The following CLVS1 variants were observed in gnomAD, a reference collection of about 807,000 sequenced individuals.
CLVS1 encodes the protein clavesin-1.
CLVS1 carries 10 observed loss-of-function variants against 33.1 expected under a neutral mutation model. That is an observed-to-expected ratio of 0.30 (90% confidence interval 0.19 to 0.51). The LOEUF (loss-of-function observed/expected upper bound fraction) is 0.51, where lower values mean the gene tolerates loss of function less well. CLVS1 is among the 20% of genes least tolerant of loss of function. The probability of loss-of-function intolerance (pLI) is 0.97; values close to 1 mark genes in which losing one functional copy is unlikely to be tolerated. For synonymous variants in CLVS1, 163 were observed against 166.1 expected, an observed-to-expected ratio of 0.98 and a Z score of 0.14; for missense variants, 343 against 433.4, an observed-to-expected ratio of 0.79 and a Z score of 1.85.
At chr8:61,071,869 G>A (rs2129280377) in intron 1 of CLVS1, among the ~76,000 whole-genome samples, 1 of 152,270 alleles carries the variant, frequency 6.6e-6, no homozygotes, top group South Asian at 2.1e-4. Flanking sequence ...AAGAAAACCA[G>A]TTTAGAGGGT....
At chr8:61,435,051 G>A (rs890268911) in intron 3 of CLVS1, among the ~76,000 whole-genome samples, 4 of 152,188 alleles carry the variant, frequency 2.6e-5, no homozygotes, top group African/African-American at 9.7e-5. Flanking sequence ...CCTATCTGAT[G>A]AGAATGTATG....
In CLVS1 at chr8:61,421,521, C is replaced by G. The variant is rs112575057; in HGVS notation, c.631-32620C>G. Reference sequence around the variant, plus strand: ...ATCCCTATCACTCCTGAGCTGAACTCAGGTTGTTTCCAATCTAAGCTAACT... The same window carrying G: ...ATCCCTATCACTCCTGAGCTGAACTGAGGTTGTTTCCAATCTAAGCTAACT... On this transcript the variant is annotated intron_variant, in intron 3 of 5. Coordinates refer to ENST00000325897, the MANE Select transcript of CLVS1 (RefSeq NM_173519.3). Among the ~76,000 whole-genome samples the G allele has an allele frequency of 3.4e-3, 523 of 152,298 alleles. 2 individuals are homozygous for G. The highest frequency in any genetic ancestry group is 0.012 in the African/African-American group (482 of 41,574).
At chr8:61,091,988 T>G (rs571402237) in intron 1 of CLVS1, among the ~76,000 whole-genome samples, 3 of 152,368 alleles carry the variant, frequency 2.0e-5, no homozygotes, top group African/African-American at 7.2e-5. Flanking sequence ...AAGAAATTTT[T>G]TGGTCTTCAT....
intron 2 of CLVS1, among the ~76,000 whole-genome samples, chr8:61,189,342 C>T (rs922375254): frequency 2.6e-5 from 4 of 152,130 alleles, no homozygotes; most frequent in African/African-American, 9.7e-5. Context: ...TTGTCACCAC[C>T]AGGCCTGCTC....
chr8:61,339,997 TGAAAG>T (rs1563504253), intron 2 of CLVS1, among the ~76,000 whole-genome samples: 2 of 50,626 alleles, frequency 4.0e-5, no homozygotes, highest in Non-Finnish European at 8.5e-5. Context: ...AAAGAGAAAA[TGAAAG>T]AAAGGAAGAA....
At chr8:60,986,478 A>G in the CLVS1 span, among the ~76,000 whole-genome samples, 2 of 152,142 alleles carry the variant, frequency 1.3e-5, no homozygotes, top group African/African-American at 4.8e-5. Flanking sequence ...ATACTCTTTG[A>G]CTTTTGGAGT....
intron 2 of CLVS1, among the ~76,000 whole-genome samples, chr8:61,232,028 T>TGTTTGTTTGTTTGTTTGTTTGTTTG (rs140778823): frequency 8.7e-6 from 1 of 114,836 alleles, no homozygotes; most frequent in Admixed American, 8.6e-5. Flanking sequence ...TTGTGGTTTT[T>TGTTTGTTTGTTTGTTTGTTTGTTTG]TTTTTTTTTT....
chr8:61,007,451 C>T, the CLVS1 span, among the ~76,000 whole-genome samples: 1 of 152,176 alleles, frequency 6.6e-6, no homozygotes. Flanking sequence ...CTTGGTTGCA[C>T]TAAAGTCACT....
At chr8:61,461,476 T>A (rs1250086449) in intron 5 of CLVS1, among the ~76,000 whole-genome samples, 1 of 152,196 alleles carries the variant, frequency 6.6e-6, no homozygotes, top group East Asian at 1.9e-4. Flanking sequence ...CTATAACAAG[T>A]TAGCACAAGT....
At chr8:61,103,033 T>C (rs533242326) in intron 1 of CLVS1, among the ~76,000 whole-genome samples, 1 of 151,064 alleles carries the variant, frequency 6.6e-6, no homozygotes, top group African/African-American at 2.4e-5. Context: ...ATTTCATTTA[T>C]GGAAGGTAGA....
At chr8:61,438,963 G>T (rs1002099564) in intron 3 of CLVS1, among the ~76,000 whole-genome samples, 10 of 152,088 alleles carry the variant, frequency 6.6e-5, no homozygotes, top group African/African-American at 2.2e-4. Flanking sequence ...CTCTTAAATT[G>T]TATCTGTTAA....
intron 5 of CLVS1, 122 bp downstream of exon 5, chr8:61,458,664 G>A: frequency 3.0e-6 from 2 of 668,874 alleles, no homozygotes; most frequent in South Asian, 4.4e-5. Flanking sequence ...AAAATAAATT[G>A]CAATGCATTC....
At chr8:61,056,018 T>C (rs1804467863), upstream of CLVS1, among the ~76,000 whole-genome samples, 1 of 152,214 alleles carries the variant, frequency 6.6e-6, no homozygotes, top group African/African-American at 2.4e-5. Flanking sequence ...CACAGGGCTT[T>C]ATGGTGCACA....
At chr8:61,237,708 G>T (rs888766236) in intron 2 of CLVS1, among the ~76,000 whole-genome samples, 7 of 152,184 alleles carry the variant, frequency 4.6e-5, no homozygotes, top group African/African-American at 1.7e-4. Flanking sequence ...TACAGAGGCT[G>T]GAGAGGTGTG....
At chr8:61,408,942 A>G (rs1205166033) in intron 3 of CLVS1, among the ~76,000 whole-genome samples, 2 of 152,198 alleles carry the variant, frequency 1.3e-5, no homozygotes, top group Non-Finnish European at 2.9e-5. Context: ...GAACACCTCA[A>G]ATCCTCAGGC....
intron 2 of CLVS1, among the ~76,000 whole-genome samples, chr8:61,164,837 A>G (rs1806825273): frequency 6.6e-6 from 1 of 152,044 alleles, no homozygotes; most frequent in Non-Finnish European, 1.5e-5. Flanking sequence ...ATGTGTGTCC[A>G]TGTCATTTTA....
At chr8:60,996,122 C>A in the CLVS1 span, among the ~76,000 whole-genome samples, 2 of 152,140 alleles carry the variant, frequency 1.3e-5, no homozygotes, top group Non-Finnish European at 2.9e-5. Flanking sequence ...TGTAACTAAC[C>A]TGCACAATGT....
chr8:61,346,004 G>A (rs1022186513), intron 2 of CLVS1, among the ~76,000 whole-genome samples: 17 of 152,286 alleles, frequency 1.1e-4, no homozygotes, highest in East Asian at 1.9e-4. Flanking sequence ...ATTCGAGAGA[G>A]TGCATTTATC....
At chr8:61,388,768 G>A (rs1169738807) in intron 3 of CLVS1, among the ~76,000 whole-genome samples, 1 of 152,024 alleles carries the variant, frequency 6.6e-6, no homozygotes, top group African/African-American at 2.4e-5. Context: ...ATTTCTTTGT[G>A]TTGGGAACAT....
Sources: allele counts gnomAD v4.1 joint callset (sites outside exome capture counted in the v4.1 genomes callset), GRCh38; gene constraint gnomAD v4.1.1; transcripts MANE v1.5; gene names NCBI Gene and HGNC (gene_info 2026-07-23, HGNC 2026-07-21).